RFC5: variants seen among roughly 807,000 people sequenced by gnomAD.
RFC5 encodes the protein replication factor C subunit 5, also known as A1 36 kDa subunit.
A neutral mutation model predicts 44.3 loss-of-function variants in RFC5; 26 were observed. The ratio of observed to expected loss-of-function variants is 0.59; its 90% CI spans 0.43 to 0.81. RFC5 has a LOEUF of 0.81. RFC5 is among the 40% of genes least tolerant of loss of function. The pLI, the probability that RFC5 is intolerant of heterozygous loss-of-function variation, is 0.00. For missense variants in RFC5, 328 were observed against 418.6 expected, an observed-to-expected ratio of 0.78 and a Z score of 1.89; for synonymous variants, 155 against 155.2, an observed-to-expected ratio of 1.00 and a Z score of 0.01.
chr12:118,025,075 G>A (rs1412806739), intron 6 of RFC5, 65 bp downstream of exon 6: 2 of 1,506,912 alleles, frequency 1.3e-6, no homozygotes, highest in South Asian at 1.2e-5. Context: ...ATCACTGGCT[G>A]GTTCGTATGT....
intron 9 of RFC5, 121 bp from the exon 10 acceptor site, chr12:118,029,650 G>T: frequency 2.6e-6 from 2 of 773,510 alleles, no homozygotes; most frequent in Admixed American, 3.5e-5. Flanking sequence ...TATCTAGTGA[G>T]CAGGCTGAGG....
chr12:118,016,809 T>C lies in RFC5; in HGVS notation c.-19T>C, dbSNP rs1480496578. On this transcript the variant is annotated 5_prime_UTR_variant, in exon 1 of 11. Coordinates refer to ENST00000454402, the MANE Select transcript of RFC5 (RefSeq NM_007370.7). ...GACGCGACGATCTCAGCGGATCTGG[T>C]CACCTTCGTCTCCCCGCCATGGAGA... The C allele has an allele frequency of 6.2e-7, 1 of 1,606,170 alleles. No homozygotes were observed. The highest frequency in any genetic ancestry group is 2.2e-5 in the East Asian group (1 of 44,458).
downstream of RFC5, chr12:118,034,877 A>T: frequency 2.0e-6 from 2 of 1,025,004 alleles, no homozygotes; most frequent in African/African-American, 1.6e-5. Context: ...GAATTGCCTT[A>T]AAGCTTTCCT....
At position 118,029,842 on chromosome 12, in the gene RFC5, C is replaced by G. The variant is rs1329481543; in HGVS notation, c.926+17C>G. 1.3e-6 allele frequency: 2 copies of G among 1,548,050 alleles called. No individual in the cohort carries two copies. The highest frequency in any genetic ancestry group is 2.7e-5 in the African/African-American group (2 of 73,154). On this transcript the variant is annotated intron_variant, in intron 10 of 10. Coordinates refer to ENST00000454402, the MANE Select transcript of RFC5 (RefSeq NM_007370.7). ...AGACATTGAGTGAGTACTTCTTGCC[C>G]CAGTTTTAATTCTTTTCTTCCTTTT...
intron 8 of RFC5, 151 bp downstream of exon 8, chr12:118,027,169 G>A (rs780285197): frequency 8.2e-6 from 6 of 730,568 alleles, no homozygotes; most frequent in Admixed American, 7.3e-5. Flanking sequence ...TCTGTAGGTG[G>A]AGTGGGTACT....
chr12:118,033,902 G>A (rs2031437846), downstream of RFC5: 1 of 370,816 alleles, frequency 2.7e-6, no homozygotes, highest in South Asian at 3.2e-5. Flanking sequence ...ACTGCACTTT[G>A]AATCAAAACA....
At chr12:118,028,114 A>G in intron 9 of RFC5, 84 bp downstream of exon 9, 1 of 817,186 alleles carries the variant, frequency 1.2e-6, no homozygotes, top group Non-Finnish European at 2.1e-6. Flanking sequence ...AGGAGGCTTC[A>G]TTCTTGAAGC....
chr12:118,037,667 T>TA (rs752087366), downstream of RFC5, among the ~76,000 whole-genome samples: 15,686 of 123,384 alleles, frequency 0.13, 1,049 homozygotes, highest in Non-Finnish European at 0.17. Context: ...AAACTCTGTC[T>TA]AAAAAAAAAA....
At chr12:118,025,886 TCG>T in intron 7 of RFC5, 58 bp downstream of exon 7, 2 of 1,086,004 alleles carry the variant, frequency 1.8e-6, no homozygotes, top group Non-Finnish European at 2.8e-6. Flanking sequence ...TCTTGCTCTG[TCG>T]CTCAGGCTGG....
intron 9 of RFC5, among the ~76,000 whole-genome samples, chr12:118,028,544 G>C (rs140459374): frequency 6.7e-6 from 1 of 148,266 alleles, no homozygotes; most frequent in East Asian, 2.0e-4. Flanking sequence ...TTAATATCTA[G>C]AACTGCTGGG....
Position 118,019,883 on chromosome 12 carries a change from A to G in RFC5, c.267+115A>G, listed in dbSNP as rs1425352571. The G allele has an allele frequency of 2.4e-6, 2 of 827,424 alleles. No individual in the cohort carries two copies. The highest frequency in any genetic ancestry group is 3.8e-6 in the Non-Finnish European group (2 of 532,858). The allele number at this position is 827,424 out of a possible 1,614,324, so 51.3% of individuals were successfully genotyped here. ...AAGTTGCCCCACGGACAGTTAGGAA[A>G]GAAGTAAATTTGAATATTTTAATTC... On this transcript the variant is annotated intron_variant, in intron 3 of 10. Coordinates refer to ENST00000454402, the MANE Select transcript of RFC5 (RefSeq NM_007370.7). The surrounding 1 kb of genome is among the most constrained non-coding windows in gnomAD (Gnocchi z 4.2).
intron 10 of RFC5, 83 bp from the exon 11 acceptor site, chr12:118,031,099 T>A: frequency 1.1e-6 from 1 of 914,988 alleles, no homozygotes; most frequent in South Asian, 1.5e-5. Flanking sequence ...CAACAGATTT[T>A]CAGCCCTAGA....
At chr12:118,029,564 T>A (rs4766894) in intron 9 of RFC5, among the ~76,000 whole-genome samples, 33,187 of 152,138 alleles carry the variant, frequency 0.22, 4,376 homozygotes, top group East Asian at 0.4. Context: ...TTCCTTTTTG[T>A]CTACCCTATA....
chr12:118,027,230 G>A, intron 8 of RFC5: 1 of 542,602 alleles, frequency 1.8e-6, no homozygotes, highest in South Asian at 2.4e-5. Flanking sequence ...CTTCAAGTCA[G>A]GGTAAGGCTT....
the RFC5 span, among the ~76,000 whole-genome samples, chr12:118,038,973 A>G: frequency 6.6e-6 from 1 of 152,176 alleles, no homozygotes; most frequent in South Asian, 2.1e-4. Context: ...CCTCATAGGA[A>G]ACCATATCAA....
chr12:118,034,394 T>C, downstream of RFC5: 1 of 1,604,670 alleles, frequency 6.2e-7, no homozygotes, highest in South Asian at 1.1e-5. Context: ...AAGACAGAGC[T>C]TGGATGTTCA....
chr12:118,029,955 G>T (rs1433184514), intron 10 of RFC5, 130 bp downstream of exon 10: 7 of 727,936 alleles, frequency 9.6e-6, no homozygotes, highest in Middle Eastern at 3.4e-4. Context: ...CTAGTCTGGT[G>T]ATATTGAATG....
the RFC5 span, among the ~76,000 whole-genome samples, chr12:118,038,560 C>A: frequency 6.6e-6 from 1 of 152,118 alleles, no homozygotes; most frequent in Non-Finnish European, 1.5e-5. Context: ...CCAGATTTGT[C>A]ATTTAAACAC....
chr12:118,039,816 TCA>T, the RFC5 span, among the ~76,000 whole-genome samples: 5 of 151,886 alleles, frequency 3.3e-5, no homozygotes, highest in Admixed American at 1.3e-4. Flanking sequence ...TGATCCCGGC[TCA>T]CTGCAACCTC....
Sources: gnomAD v4.1 joint callset for allele counts (sites outside exome capture counted in the v4.1 genomes callset) on GRCh38, gnomAD v4.1.1 for gene constraint, Gnocchi (gnomAD v3.1) non-coding constraint, MANE v1.5 for transcripts, NCBI Gene and HGNC (gene_info 2026-07-23, HGNC 2026-07-21) for gene names.